TRAK2: variants seen among roughly 807,000 people sequenced by gnomAD.
TRAK2 encodes trafficking kinesin-binding protein 2.
In TRAK2, 81 loss-of-function variants were observed where a neutral mutation model predicts 104.6. The observed-to-expected ratio is 0.77, with a 90% CI of 0.65 to 0.93. The LOEUF is 0.93. Ranked by LOEUF, TRAK2 falls within the 40% of genes least tolerant of loss-of-function variation. TRAK2 has a pLI of 0.00. For synonymous variants in TRAK2, 406 were observed against 394.4 expected (o/e 1.03, Z -0.35); for missense variants, 1,002 against 1,089.0 (o/e 0.92, Z 1.12).
In TRAK2 at chr2:201,395,365, C is replaced by G; in HGVS notation, c.849G>C (p.Glu283Asp). ...KSDELIRYQE[E>D]LSSLLSQIVD... The stretch of plus-strand genomic sequence containing the variant: ...CAATCTGTGACAAAAGAGAGGAAAG[C>G]TCTTCTTGGTATCGAATCAGCTCAT... Residue 283 changes from glutamate (E) to aspartate (D), a missense_variant, in exon 8 of 16, where the codon GAG (glutamate) becomes GAC (aspartate). By Grantham distance (45) the Glu-to-Asp change is conservative (BLOSUM62 2). Transcript: ENST00000332624. 6.2e-7 allele frequency: 1 copy of G among 1,604,706 alleles called. No homozygotes were observed. The highest frequency in any genetic ancestry group is 8.5e-7 in the Non-Finnish European group (1 of 1,173,196).
In TRAK2 at chr2:201,392,938, A is replaced by C. The variant is rs772210262; in HGVS notation, c.1084T>G (p.Phe362Val). ...GTAAAAGCTCCATATGATTGGGAGAAGTAGAGATGAGCAGTAGGGCCAGAT... is the reference window on the plus strand; with the variant it reads ...GTAAAAGCTCCATATGATTGGGAGACGTAGAGATGAGCAGTAGGGCCAGAT... ...SRSGPTAHLY[F>V]SQSYGAFTGE... The change falls in exon 10 of 16, where the codon TTC becomes GTC. Residue 362 changes from phenylalanine to valine, a missense_variant. Phe to Val is a conservative substitution (Grantham distance 50, BLOSUM62 -1). Coordinates refer to ENST00000332624, the MANE Select transcript of TRAK2 (RefSeq NM_015049.3). The C allele has an allele frequency of 2.5e-6, 4 of 1,613,052 alleles. No homozygotes were observed. In the Admixed American group the frequency reaches 6.7e-5, roughly 27 times the overall value.
chr2:201,395,396 T>C lies in TRAK2; in HGVS notation c.818A>G (p.Lys273Arg), dbSNP rs767717370. ...MSRMTEELSG[K>R]SDELIRYQEE... Reference sequence around the variant, plus strand: ...TTGGTATCGAATCAGCTCATCACTCTTCCCTGACAATTCTTCAGTCATTCT... The same window carrying C: ...TTGGTATCGAATCAGCTCATCACTCCTCCCTGACAATTCTTCAGTCATTCT... Residue 273 changes from lysine (K) to arginine (R), a missense_variant, in exon 8 of 16, where the codon AAG becomes AGG. Lys to Arg is a conservative substitution (Grantham distance 26). Coordinates refer to ENST00000332624, the MANE Select transcript of TRAK2 (RefSeq NM_015049.3). 5.0e-6 allele frequency: 8 copies of C among 1,592,666 alleles called. No individual in the cohort carries two copies. In the South Asian group the frequency reaches 7.9e-5, roughly 16 times the overall value.
intron 2 of TRAK2, among the ~76,000 whole-genome samples, chr2:201,416,916 A>T (rs1221493545): frequency 6.6e-6 from 1 of 152,104 alleles, no homozygotes; most frequent in African/African-American, 2.4e-5. Flanking sequence ...AGAAAAAGAA[A>T]ATAGGAGTAC....
chr2:201,426,482 G>T (rs761171840), intron 1 of TRAK2, among the ~76,000 whole-genome samples: 2 of 152,144 alleles, frequency 1.3e-5, no homozygotes, highest in Non-Finnish European at 1.5e-5. Context: ...AATGTAAAGC[G>T]CTTGAATCAT....
At chr2:201,385,427 C>T (rs917973249) in intron 14 of TRAK2, among the ~76,000 whole-genome samples, 4 of 151,744 alleles carry the variant, frequency 2.6e-5, no homozygotes, top group Non-Finnish European at 4.4e-5. Flanking sequence ...CTGCCCACCT[C>T]GATCTCCCAA....
chr2:201,433,996 T>C (rs59677955), intron 1 of TRAK2, among the ~76,000 whole-genome samples: 2 of 152,016 alleles, frequency 1.3e-5, no homozygotes, highest in African/African-American at 2.4e-5. Context: ...CTCGCTCTTT[T>C]GCCCAGGCCG....
intron 7 of TRAK2, 95 bp downstream of exon 7, chr2:201,397,407 G>T: frequency 2.7e-6 from 2 of 750,500 alleles, no homozygotes; most frequent in Non-Finnish European, 2.2e-6. Flanking sequence ...TTCTTGAGAT[G>T]CTTCTACTGA....
intron 2 of TRAK2, chr2:201,419,565 TG>T: frequency 6.5e-6 from 1 of 153,686 alleles, no homozygotes; most frequent in African/African-American, 2.4e-5. Context: ...AGGTGAGGGG[TG>T]GGGAGATCTC....
intron 1 of TRAK2, among the ~76,000 whole-genome samples, chr2:201,445,013 G>A (rs917765799): frequency 6.6e-6 from 1 of 152,054 alleles, no homozygotes; most frequent in African/African-American, 2.4e-5. Context: ...TAAAAAGAAA[G>A]AACTCAAAGT....
chr2:201,409,447 G>C (rs986051131), intron 2 of TRAK2, among the ~76,000 whole-genome samples: 17 of 152,162 alleles, frequency 1.1e-4, no homozygotes, highest in African/African-American at 3.1e-4. Context: ...TATGAAGTTA[G>C]TAGTCAGGGA....
At chr2:201,405,435 T>C (rs997128365) in intron 3 of TRAK2, among the ~76,000 whole-genome samples, 3 of 152,336 alleles carry the variant, frequency 2.0e-5, no homozygotes, top group South Asian at 2.1e-4. Context: ...TATCAGTGGT[T>C]CTCAAACTTG....
At chr2:201,388,023 T>G (rs373122772) in intron 12 of TRAK2, 22 bp from the exon 13 acceptor site, 1 of 1,613,008 alleles carries the variant, frequency 6.2e-7, no homozygotes, top group African/African-American at 1.3e-5. Flanking sequence ...TCGCGTTCAC[T>G]GATTAGATCT....
In TRAK2 at chr2:201,407,477, T is replaced by C. The variant is rs1442629226; in HGVS notation, c.212A>G (p.Gln71Arg). The C allele has an allele frequency of 3.1e-6, 5 of 1,614,066 alleles. No individual in the cohort carries two copies. Among genetic ancestry groups the C allele is most frequent in the East Asian group, 4.5e-5 (2 of 44,898 alleles). The change falls in exon 3 of 16, where the codon CAG becomes CGG. Residue 71 changes from glutamine to arginine, a missense_variant. Physicochemically the swap from Gln to Arg is conservative, Grantham distance 43 (BLOSUM62 1). Transcript: ENST00000332624. ...TGCATGCTGCCGCTGGTGTGGAGAC[T>C]GAGTCCAGTCTTGATTTTCATATAG... Reference protein sequence around the residue: ...LFLYENQDWTQSPHQRQHASD... With the variant: ...LFLYENQDWTRSPHQRQHASD...
chr2:201,430,871 T>C (rs191936898), intron 1 of TRAK2, among the ~76,000 whole-genome samples: 23 of 152,206 alleles, frequency 1.5e-4, no homozygotes, highest in Non-Finnish European at 2.5e-4. Flanking sequence ...GGTACTTCAG[T>C]TGGAAATGCA....
At chr2:201,442,025 T>G (rs1951928814) in intron 1 of TRAK2, among the ~76,000 whole-genome samples, 1 of 151,500 alleles carries the variant, frequency 6.6e-6, no homozygotes, top group African/African-American at 2.4e-5. Flanking sequence ...ACAAACTTCC[T>G]TTTGTTTCAA....
intron 2 of TRAK2, chr2:201,410,786 T>G: frequency 6.2e-7 from 1 of 1,606,190 alleles, no homozygotes; most frequent in South Asian, 1.1e-5. Context: ...ATGCTAACTT[T>G]GGGTTTCTGA....
intron 1 of TRAK2, among the ~76,000 whole-genome samples, chr2:201,441,565 G>GT (rs1433273149): frequency 6.6e-6 from 1 of 152,066 alleles, no homozygotes; most frequent in Non-Finnish European, 1.5e-5. Context: ...TGGTTGAAAT[G>GT]TTTTTTTAGT....
chr2:201,393,112 A>G, intron 9 of TRAK2, 66 bp from the exon 10 acceptor site: 1 of 1,506,382 alleles, frequency 6.6e-7, no homozygotes, highest in African/African-American at 1.4e-5. Context: ...AAAAAACCCG[A>G]AACCTTTTGG....
intron 1 of TRAK2, among the ~76,000 whole-genome samples, chr2:201,449,865 T>C (rs1240066588): frequency 1.3e-5 from 2 of 151,892 alleles, no homozygotes; most frequent in African/African-American, 4.8e-5. Flanking sequence ...GGCTGGTGTA[T>C]TTCCTTTCAG....
Sources: allele counts gnomAD v4.1 joint callset (sites outside exome capture counted in the v4.1 genomes callset), GRCh38; gene constraint gnomAD v4.1.1; transcripts MANE v1.5; gene names NCBI Gene and HGNC (gene_info 2026-07-23, HGNC 2026-07-21).